GLYATL1: variants seen among roughly 807,000 people sequenced by gnomAD.
The protein encoded by GLYATL1 is glycine N-acyltransferase-like protein 1.
Under a neutral mutation model 20.0 loss-of-function variants are expected in GLYATL1, and 15 were observed. The observed-to-expected ratio is 0.75, with a 90% CI of 0.50 to 1.15. The LOEUF is 1.15. Among genes scored for constraint, GLYATL1 ranks in the 50% most tolerant of loss-of-function variants. The pLI, the probability that GLYATL1 is intolerant of heterozygous loss-of-function variation, is 0.00. For synonymous variants in GLYATL1, 151 were observed against 131.5 expected (o/e 1.15, Z -1.01); for missense variants, 380 against 368.5 (o/e 1.03, Z -0.26).
At chr11:58,943,880 A>G (rs965573844) in intron 2 of GLYATL1, among the ~76,000 whole-genome samples, 8 of 152,184 alleles carry the variant, frequency 5.3e-5, no homozygotes, top group Admixed American at 2.0e-4. Context: ...AGTAAGCAGT[A>G]ATGTTGCAGG....
At chr11:58,914,407 T>A (rs1855119702) in intron 1 of GLYATL1, among the ~76,000 whole-genome samples, 1 of 152,148 alleles carries the variant, frequency 6.6e-6, no homozygotes, top group Non-Finnish European at 1.5e-5. Context: ...AGCAGTAGAG[T>A]CAGAGGTCTC....
chr11:58,937,373 G>C (rs965786639), upstream of GLYATL1, among the ~76,000 whole-genome samples: 3 of 152,332 alleles, frequency 2.0e-5, no homozygotes, highest in Non-Finnish European at 4.4e-5. Context: ...ACAGGTCCCA[G>C]TGTCCTCCTG....
chr11:58,906,059 C>A (rs1590762405), intron 1 of GLYATL1, among the ~76,000 whole-genome samples: 1 of 152,190 alleles, frequency 6.6e-6, no homozygotes, highest in Non-Finnish European at 1.5e-5. Flanking sequence ...ACCTGCGAAT[C>A]GGGAGCAGCG....
chr11:58,949,661 C>T (rs1003520506), intron 4 of GLYATL1, among the ~76,000 whole-genome samples: 1 of 151,516 alleles, frequency 6.6e-6, no homozygotes, highest in Admixed American at 6.6e-5. Flanking sequence ...TATAAAAGTC[C>T]CACACCACAC....
At chr11:58,932,294 G>A (rs4573693) in intron 1 of GLYATL1, among the ~76,000 whole-genome samples, 24,124 of 151,962 alleles carry the variant, frequency 0.16, 2,084 homozygotes, top group East Asian at 0.31. Flanking sequence ...AAGCTTTGAT[G>A]AAGACATAGA....
intron 4 of GLYATL1, among the ~76,000 whole-genome samples, chr11:58,950,605 A>T (rs1299799417): frequency 6.6e-6 from 1 of 152,198 alleles, no homozygotes; most frequent in Non-Finnish European, 1.5e-5. Context: ...GAATATCTGC[A>T]AGTTACAGTT....
intron 1 of GLYATL1, chr11:58,928,567 T>C (rs1855492125): frequency 6.6e-6 from 1 of 152,238 alleles, no homozygotes; most frequent in Admixed American, 6.5e-5. Flanking sequence ...TAGCTACCTG[T>C]GTCTGCCCGC....
At chr11:58,914,918 G>A (rs77961734) in intron 1 of GLYATL1, among the ~76,000 whole-genome samples, 2 of 152,150 alleles carry the variant, frequency 1.3e-5, no homozygotes, top group Admixed American at 6.5e-5. Flanking sequence ...TCTCACTGTG[G>A]GAGTGCAGTG....
At chr11:58,917,706 G>A (rs374758845) in intron 1 of GLYATL1, among the ~76,000 whole-genome samples, 2 of 152,196 alleles carry the variant, frequency 1.3e-5, no homozygotes, top group African/African-American at 4.8e-5. Context: ...ATAAAAACAG[G>A]ATACTTGAAG....
In GLYATL1 at chr11:58,947,951, C is replaced by T. The variant is rs369500206; in HGVS notation, c.172C>T (p.Arg58Trp). The T allele has an allele frequency of 3.7e-5, 59 of 1,612,794 alleles. No homozygotes were observed. The highest frequency in any genetic ancestry group is 8.9e-5 in the East Asian group (4 of 44,882). Reference protein sequence around the residue: ...SWPEYQMVIIRPQKQEMTDDM... With the variant: ...SWPEYQMVIIWPQKQEMTDDM... ...GCCTGAATATCAGATGGTTATTATC[C>T]GGCCTCAAAAGCAGGTAGGCACACA... is the stretch of plus-strand genomic sequence containing the variant. The change falls in exon 4 of 7, where the codon CGG (arginine) becomes TGG (tryptophan). Residue 58 changes from arginine to tryptophan, a missense_variant. Arg to Trp is a moderately radical substitution (Grantham distance 101, BLOSUM62 -3). Coordinates refer to ENST00000532726, the MANE Select transcript of GLYATL1 (RefSeq NM_001389712.2).
At chr11:58,905,829 CT>C (rs948449195) in intron 1 of GLYATL1, among the ~76,000 whole-genome samples, 11 of 152,262 alleles carry the variant, frequency 7.2e-5, no homozygotes, top group African/African-American at 2.7e-4. Flanking sequence ...ACTCTCATCC[CT>C]TTTCCTCTCT....
intron 4 of GLYATL1, among the ~76,000 whole-genome samples, chr11:58,950,509 C>G (rs2135248372): frequency 6.6e-6 from 1 of 152,268 alleles, no homozygotes; most frequent in African/African-American, 2.4e-5. Flanking sequence ...TACTTCTTTG[C>G]CACTACAAAC....
rs746647261 is a variant in GLYATL1 at position 58,955,681 on chromosome 11, G to T, written c.563G>T (p.Arg188Leu). 13 of 1,614,066 alleles carry T rather than the reference G, an allele frequency of 8.1e-6. No homozygotes were observed. The highest frequency in any genetic ancestry group is 1.7e-5 in the Admixed American group (1 of 60,004). The stretch of plus-strand genomic sequence containing the variant: ...GGGCTGGTAAATGACAACTGGAAGC[G>T]AGGGAAGAATGAGAGGAGCCTGCAT... ...YSGLVNDNWK[R>L]GKNERSLHYI... The change falls in exon 7 of 7, where the codon CGA (arginine) becomes CTA (leucine). Residue 188 changes from arginine (R) to leucine (L), a missense_variant. Physicochemically the swap from Arg to Leu is moderately radical, Grantham distance 102 (BLOSUM62 -2). Transcript: ENST00000532726.
rs138474235 is a variant in GLYATL1 at position 58,955,255 on chromosome 11, C to G, written c.393C>G (p.Leu131=). 6.2e-7 allele frequency: 1 copy of G among 1,613,922 alleles called. No individual in the cohort carries two copies. Among genetic ancestry groups the G allele is most frequent in the Non-Finnish European group, 8.5e-7 (1 of 1,179,932 alleles). Reference sequence around the variant, plus strand: ...TGAAAGTAGAGCATTCGAGAGCACTCCTCTTGGTTACGGAAGATATTCTGA... The same window carrying G: ...TGAAAGTAGAGCATTCGAGAGCACTGCTCTTGGTTACGGAAGATATTCTGA... ...KSVKVEHSRA[L]LLVTEDILKL... The change falls in exon 6 of 7, where the codon CTC becomes CTG. Residue 131 remains leucine, a synonymous_variant. Transcript: ENST00000532726.
At chr11:58,947,483 C>G in intron 3 of GLYATL1, 2 of 466,882 alleles carry the variant, frequency 4.3e-6, no homozygotes, top group South Asian at 6.5e-5. Flanking sequence ...GTGGATGTTT[C>G]TTTCCCTTTC....
At chr11:58,915,631 T>C (rs1201173955) in intron 1 of GLYATL1, among the ~76,000 whole-genome samples, 1 of 152,202 alleles carries the variant, frequency 6.6e-6, no homozygotes. Context: ...GGGTTAGGGC[T>C]CAGCAATCTG....
At chr11:58,908,227 A>T (rs915221880) in exon 2 of GLYATL1, 1 of 152,200 alleles carries the variant, frequency 6.6e-6, no homozygotes, top group Middle Eastern at 3.2e-3. Flanking sequence ...CCTCCCTGAG[A>T]TATGCCTTGG....
At chr11:58,944,093 A>G (rs1047820178) in intron 2 of GLYATL1, among the ~76,000 whole-genome samples, 1 of 152,156 alleles carries the variant, frequency 6.6e-6, no homozygotes, top group Non-Finnish European at 1.5e-5. Flanking sequence ...CTTCTGGCTT[A>G]TACATTAGGA....
At chr11:58,944,082 C>T (rs1856388118) in intron 2 of GLYATL1, among the ~76,000 whole-genome samples, 1 of 152,048 alleles carries the variant, frequency 6.6e-6, no homozygotes, top group African/African-American at 2.4e-5. Context: ...AAACTGAGTT[C>T]CTTCTGGCTT....
Sources: gnomAD v4.1 joint callset for allele counts (sites outside exome capture counted in the v4.1 genomes callset) on GRCh38, gnomAD v4.1.1 for gene constraint, MANE v1.5 for transcripts, NCBI Gene and HGNC (gene_info 2026-07-23, HGNC 2026-07-21) for gene names.